LRRC4C: variants seen among roughly 807,000 people sequenced by gnomAD.
LRRC4C encodes leucine-rich repeat-containing protein 4C.
Under a neutral mutation model 33.6 loss-of-function variants are expected in LRRC4C, and 5 were observed. That is an observed-to-expected ratio of 0.15 (90% CI 0.08 to 0.31). The LOEUF (loss-of-function observed/expected upper bound fraction) is 0.31, where lower values mean the gene tolerates loss of function less well. LRRC4C is among the 10% of genes least tolerant of loss of function. The probability of loss-of-function intolerance (pLI) is 1.00; values close to 1 mark genes in which losing one functional copy is unlikely to be tolerated. For synonymous variants in LRRC4C, 329 were observed against 302.0 expected (o/e 1.09, Z -0.93); for missense variants, 560 against 796.7 (o/e 0.70, Z 3.58).
intron 3 of LRRC4C, among the ~76,000 whole-genome samples, chr11:40,506,309 A>C (rs1188258859): frequency 1.3e-5 from 2 of 152,180 alleles, no homozygotes; most frequent in East Asian, 3.9e-4. Flanking sequence ...TGAGAATCCA[A>C]GAGCTAGCAG....
At chr11:40,241,198 T>G (rs1474557157) in intron 5 of LRRC4C, among the ~76,000 whole-genome samples, 1 of 151,900 alleles carries the variant, frequency 6.6e-6, no homozygotes, top group Non-Finnish European at 1.5e-5. Context: ...CTGCAAAACA[T>G]AGCAAGAGCC....
At chr11:40,259,686 T>C (rs2136243119) in intron 4 of LRRC4C, among the ~76,000 whole-genome samples, 1 of 152,312 alleles carries the variant, frequency 6.6e-6, no homozygotes, top group South Asian at 2.1e-4. Context: ...CCCCATTTCT[T>C]GTTTTTCTCA....
At chr11:40,712,954 T>C (rs1243986382) in intron 2 of LRRC4C, among the ~76,000 whole-genome samples, 2 of 151,954 alleles carry the variant, frequency 1.3e-5, no homozygotes, top group East Asian at 3.9e-4. Context: ...AGTGGTGTGA[T>C]CTTGGTTCAC....
At chr11:41,265,090 T>C (rs777737888) in intron 1 of LRRC4C, among the ~76,000 whole-genome samples, 1 of 152,130 alleles carries the variant, frequency 6.6e-6, no homozygotes, top group Non-Finnish European at 1.5e-5. Flanking sequence ...AGCTCCATAA[T>C]TTTAATAAAT....
intron 1 of LRRC4C, among the ~76,000 whole-genome samples, chr11:41,289,398 A>C (rs1385242183): frequency 6.6e-6 from 1 of 152,184 alleles, no homozygotes; most frequent in Non-Finnish European, 1.5e-5. Flanking sequence ...TCCTCTAAAA[A>C]TTTGTATGTT....
At chr11:40,990,173 G>T (rs1853412054) in intron 1 of LRRC4C, among the ~76,000 whole-genome samples, 1 of 139,006 alleles carries the variant, frequency 7.2e-6, no homozygotes. Flanking sequence ...TACTACAACT[G>T]GACCACTATC....
intron 1 of LRRC4C, among the ~76,000 whole-genome samples, chr11:41,365,095 T>C (rs1952488092): frequency 6.6e-6 from 1 of 152,066 alleles, no homozygotes; most frequent in African/African-American, 2.4e-5. Context: ...AGGAGCTGAG[T>C]ATCAGGAGAC....
intron 3 of LRRC4C, among the ~76,000 whole-genome samples, chr11:40,545,757 T>C (rs1956886833): frequency 6.6e-6 from 1 of 152,146 alleles, no homozygotes; most frequent in Middle Eastern, 3.4e-3. Flanking sequence ...AATGGAACTT[T>C]AGAGTTTCTA....
At chr11:41,285,461 A>G (rs893745941) in intron 1 of LRRC4C, among the ~76,000 whole-genome samples, 1 of 152,242 alleles carries the variant, frequency 6.6e-6, no homozygotes, top group Non-Finnish European at 1.5e-5. Context: ...TTAATGATTA[A>G]TAACATTACA....
chr11:41,132,236 TC>T (rs1414727032), intron 1 of LRRC4C, among the ~76,000 whole-genome samples: 2 of 152,068 alleles, frequency 1.3e-5, no homozygotes, highest in Non-Finnish European at 2.9e-5. Context: ...CCAGGCTAGT[TC>T]TTTGTGGATG....
At chr11:40,735,431 G>C (rs553100583) in intron 2 of LRRC4C, among the ~76,000 whole-genome samples, 8 of 145,436 alleles carry the variant, frequency 5.5e-5, no homozygotes, top group African/African-American at 2.0e-4. Flanking sequence ...TTGTCCTTCC[G>C]ATAGTTTGCT....
At chr11:41,387,494 AT>A (rs1159930628) in intron 1 of LRRC4C, among the ~76,000 whole-genome samples, 1 of 151,600 alleles carries the variant, frequency 6.6e-6, no homozygotes, top group African/African-American at 2.4e-5. Flanking sequence ...GAAGGATGAG[AT>A]TTCATTTGTG....
intron 1 of LRRC4C, among the ~76,000 whole-genome samples, chr11:41,164,528 A>G (rs1944633092): frequency 6.6e-6 from 1 of 152,228 alleles, no homozygotes. Context: ...ATCATTTTCA[A>G]GTACTATATA....
rs554376068 is a variant in LRRC4C at position 40,325,059 on chromosome 11, T to C, written c.-269-5338A>G. On this transcript the variant is annotated intron_variant, in intron 3 of 6. Coordinates refer to ENST00000528697, the MANE Select transcript of LRRC4C (RefSeq NM_001258419.2). ...TGTAGTTACCATTATTACTTTATTA[T>C]TATTATTAGTCTTCTATGAACAGAT... is the stretch of plus-strand genomic sequence containing the variant. Among the ~76,000 whole-genome samples, 9 of 152,296 alleles carry C rather than the reference T, an allele frequency of 5.9e-5. No individual in the cohort carries two copies. The East Asian group carries it at 1.2e-3, about 20-fold the overall frequency.
At chr11:40,306,937 TC>T (rs1362518722) in intron 4 of LRRC4C, among the ~76,000 whole-genome samples, 1 of 98,124 alleles carries the variant, frequency 1.0e-5, no homozygotes, top group Non-Finnish European at 2.7e-5. Flanking sequence ...CACAAGGTTA[TC>T]TGGTTTTTTT....
chr11:41,033,910 C>T (rs944901084), intron 1 of LRRC4C, among the ~76,000 whole-genome samples: 1 of 151,768 alleles, frequency 6.6e-6, no homozygotes, highest in Non-Finnish European at 1.5e-5. Context: ...AAAATTTAAC[C>T]TACAAATCAT....
intron 1 of LRRC4C, among the ~76,000 whole-genome samples, chr11:41,297,107 G>T (rs1286303743): frequency 6.6e-6 from 1 of 152,112 alleles, no homozygotes; most frequent in Non-Finnish European, 1.5e-5. Flanking sequence ...CTTGGATTTT[G>T]TCAAATGTTT....
intron 1 of LRRC4C, among the ~76,000 whole-genome samples, chr11:41,230,228 T>C (rs2136453295): frequency 6.6e-6 from 1 of 152,248 alleles, no homozygotes; most frequent in East Asian, 1.9e-4. Context: ...ATTGTGAACC[T>C]GTTTTATGGG....
chr11:40,377,937 A>T (rs773698112), intron 3 of LRRC4C, among the ~76,000 whole-genome samples: 4 of 152,038 alleles, frequency 2.6e-5, no homozygotes, highest in Admixed American at 1.3e-4. Flanking sequence ...AAAAAGAAGG[A>T]ATTACCCAGT....
Sources: gnomAD v4.1 joint callset for allele counts (sites outside exome capture counted in the v4.1 genomes callset) on GRCh38, gnomAD v4.1.1 for gene constraint, MANE v1.5 for transcripts, NCBI Gene and HGNC (gene_info 2026-07-23, HGNC 2026-07-21) for gene names.